Variants in EIPR1 observed in about 807,000 individuals in gnomAD.
The protein encoded by EIPR1 is EARP complex and GARP complex interacting protein 1.
Under a neutral mutation model 48.1 loss-of-function variants are expected in EIPR1, and 25 were observed. The ratio of observed to expected loss-of-function variants is 0.52; its 90% CI spans 0.38 to 0.73. EIPR1 has a LOEUF of 0.73. Ranked by LOEUF, EIPR1 falls within the 30% of genes least tolerant of loss-of-function variation. EIPR1 has a pLI of 0.00. For synonymous variants in EIPR1, 204 were observed against 201.9 expected (o/e 1.01, Z -0.09); for missense variants, 415 against 506.2 (o/e 0.82, Z 1.73).
chr2:3,344,816 TA>T (rs1670353173), intron 2 of EIPR1, among the ~76,000 whole-genome samples: 1 of 151,946 alleles, frequency 6.6e-6, no homozygotes, highest in Non-Finnish European at 1.5e-5. Context: ...CTAATTTTTG[TA>T]TTTTTAGTAG....
chr2:3,207,773 GT>G (rs938413707), intron 5 of EIPR1: 2 of 152,210 alleles, frequency 1.3e-5, no homozygotes, highest in African/African-American at 2.4e-5. Context: ...AGCCACTTTT[GT>G]TTTTTAATGA....
intron 5 of EIPR1, among the ~76,000 whole-genome samples, chr2:3,198,934 T>C (rs1359624756): frequency 6.6e-6 from 1 of 151,998 alleles, no homozygotes; most frequent in Non-Finnish European, 1.5e-5. Flanking sequence ...CCCATCTGAC[T>C]AGAATTCGCC....
rs148230915 is a variant in EIPR1, at chr2:3,298,743, G to A, written c.259+39274C>T. Among the ~76,000 whole-genome samples the A allele has an allele frequency of 3.4e-3, 523 of 152,072 alleles. 5 individuals are homozygous for A. Among genetic ancestry groups the A allele is most frequent in the African/African-American group, 0.012 (500 of 41,476 alleles). On this transcript the variant is annotated intron_variant, in intron 3 of 8. Coordinates refer to ENST00000382125, the MANE Select transcript of EIPR1 (RefSeq NM_003310.5). ...AGGGGCCGTGTTCTCTAAGGTGCTC[G>A]GGCTCTCCATGAGGGAAGGAACCCC... is the stretch of plus-strand genomic sequence containing the variant.
chr2:3,230,399 G>A (rs75455041), intron 4 of EIPR1, among the ~76,000 whole-genome samples: 2 of 152,138 alleles, frequency 1.3e-5, no homozygotes, highest in Admixed American at 1.3e-4. Flanking sequence ...GCAGCTGAAG[G>A]GGGTGGGAGG....
At chr2:3,347,376 C>T (rs529344170) in intron 2 of EIPR1, among the ~76,000 whole-genome samples, 10 of 152,160 alleles carry the variant, frequency 6.6e-5, no homozygotes, top group Non-Finnish European at 1.2e-4. Context: ...GCAGTTCTTT[C>T]CCATGCTGTT....
At chr2:3,230,134 T>A (rs1334712031) in intron 4 of EIPR1, among the ~76,000 whole-genome samples, 1 of 127,644 alleles carries the variant, frequency 7.8e-6, no homozygotes, top group Non-Finnish European at 1.7e-5. Context: ...TTGGTAAAAG[T>A]TATTCCTGAA....
chr2:3,255,968 C>T (rs535114130), intron 4 of EIPR1, among the ~76,000 whole-genome samples: 92 of 152,286 alleles, frequency 6.0e-4, no homozygotes, highest in African/African-American at 1.9e-3. Flanking sequence ...GCACAGAGAT[C>T]CTGCATTCGG....
At chr2:3,280,337 C>T (rs993229197) in intron 3 of EIPR1, among the ~76,000 whole-genome samples, 3 of 152,338 alleles carry the variant, frequency 2.0e-5, no homozygotes, top group Admixed American at 6.5e-5. Flanking sequence ...AACTCGGACC[C>T]GGTCTCCCAA....
chr2:3,254,325 A>T (rs111537374), intron 4 of EIPR1, among the ~76,000 whole-genome samples: 65 of 151,286 alleles, frequency 4.3e-4, no homozygotes, highest in Non-Finnish European at 7.6e-4. Context: ...ACACAAAACT[A>T]ACTGAGCCGA....
intron 4 of EIPR1, among the ~76,000 whole-genome samples, chr2:3,254,483 C>T (rs998141799): frequency 6.6e-6 from 1 of 152,196 alleles, no homozygotes. Flanking sequence ...CATGGGATAT[C>T]CCGCCGCAGC....
chr2:3,272,623 TGGAGCCCCAAA>T (rs1457191206), intron 3 of EIPR1, among the ~76,000 whole-genome samples: 1 of 152,234 alleles, frequency 6.6e-6, no homozygotes, highest in Non-Finnish European at 1.5e-5. Context: ...GCATGGTTCG[TGGAGCCCCAAA>T]ACAATTACAA....
chr2:3,227,676 A>C (rs996335514), intron 4 of EIPR1, among the ~76,000 whole-genome samples: 1 of 152,222 alleles, frequency 6.6e-6, no homozygotes, highest in Non-Finnish European at 1.5e-5. Context: ...TGCTCCCATC[A>C]CAGGCCCAGA....
intron 3 of EIPR1, among the ~76,000 whole-genome samples, chr2:3,324,840 G>C (rs531932898): frequency 4.6e-5 from 7 of 152,316 alleles, no homozygotes; most frequent in East Asian, 3.9e-4. Context: ...CAGCACCTCG[G>C]GGGGAGGGCC....
chr2:3,363,130 C>T (rs559874514), intron 1 of EIPR1, among the ~76,000 whole-genome samples: 1 of 152,110 alleles, frequency 6.6e-6, no homozygotes, highest in Non-Finnish European at 1.5e-5. Context: ...TGCCAGCCTG[C>T]GATGGGGGCC....
intron 3 of EIPR1, among the ~76,000 whole-genome samples, chr2:3,290,164 G>A: frequency 6.6e-6 from 1 of 152,226 alleles, no homozygotes; most frequent in East Asian, 1.9e-4. Flanking sequence ...TACAGGCCCA[G>A]CATACAGGGC....
Position 3,248,455 on chromosome 2 carries a change from G to A in EIPR1, c.416+8844C>T, listed in dbSNP as rs539403096. 2.2e-4 allele frequency among the ~76,000 whole-genome samples: 33 copies of A among 152,318 alleles called. 1 individual carries two copies. In the South Asian group the frequency reaches 3.3e-3, roughly 15 times the overall value. The stretch of plus-strand genomic sequence containing the variant: ...CTAAAAGTACAAAAATTAGCCAGGC[G>A]TGGTGGTGGGCGCCTGTAATCCCAG... On this transcript the variant is annotated intron_variant, in intron 4 of 8. Coordinates refer to ENST00000382125, the MANE Select transcript of EIPR1 (RefSeq NM_003310.5).
chr2:3,231,279 A>G (rs1450216676), intron 4 of EIPR1, among the ~76,000 whole-genome samples: 4 of 152,212 alleles, frequency 2.6e-5, no homozygotes, highest in African/African-American at 4.8e-5. Flanking sequence ...TATTAGGATC[A>G]TGTTGTCTAC....
At chr2:3,259,985 T>C (rs560959715) in intron 3 of EIPR1, among the ~76,000 whole-genome samples, 11 of 152,280 alleles carry the variant, frequency 7.2e-5, no homozygotes, top group South Asian at 2.1e-4. Context: ...CAAGAATACA[T>C]AGTAGAATAT....
chr2:3,372,255 C>T (rs1431589713), intron 1 of EIPR1, among the ~76,000 whole-genome samples: 1 of 150,918 alleles, frequency 6.6e-6, no homozygotes, highest in African/African-American at 2.4e-5. Context: ...AAATTTATAG[C>T]ACTAAATGCC....
Sources: gnomAD v4.1 joint callset for allele counts (sites outside exome capture counted in the v4.1 genomes callset) on GRCh38, gnomAD v4.1.1 for gene constraint, MANE v1.5 for transcripts, NCBI Gene and HGNC (gene_info 2026-07-23, HGNC 2026-07-21) for gene names.